The following SEL1L2 variants were observed in gnomAD, a reference collection of about 807,000 sequenced individuals.
SEL1L2 encodes the protein SEL1L2 adaptor subunit of SYVN1 ubiquitin ligase.
In SEL1L2, 89 loss-of-function variants were observed where a neutral mutation model predicts 98.8. The observed-to-expected ratio is 0.90, with a 90% CI of 0.76 to 1.07. The LOEUF (loss-of-function observed/expected upper bound fraction) is 1.07. Ranked by LOEUF, SEL1L2 falls within the 50% of genes least tolerant of loss-of-function variation. The pLI, the probability that SEL1L2 is intolerant of heterozygous loss-of-function variation, is 0.00. For missense variants in SEL1L2, 788 were observed against 812.0 expected (o/e 0.97, Z 0.36); for synonymous variants, 262 against 278.5 (o/e 0.94, Z 0.59).
intron 5 of SEL1L2, among the ~76,000 whole-genome samples, chr20:13,892,042 G>A (rs1400650280): frequency 6.6e-6 from 1 of 152,158 alleles, no homozygotes. Flanking sequence ...AGTATATAAA[G>A]TAGTAAAAAG....
intron 1 of SEL1L2, 25 bp downstream of exon 1, chr20:13,990,448 TAGAG>T: frequency 6.7e-7 from 1 of 1,502,510 alleles, no homozygotes; most frequent in East Asian, 2.3e-5. Flanking sequence ...GAGACCCTCA[TAGAG>T]AACTCTAAGG....
At chr20:13,911,196 A>G (rs1441777045) in intron 5 of SEL1L2, among the ~76,000 whole-genome samples, 1 of 152,220 alleles carries the variant, frequency 6.6e-6, no homozygotes, top group African/African-American at 2.4e-5. Flanking sequence ...ATTGTGCTGC[A>G]GTTATTTGCA....
intron 12 of SEL1L2, among the ~76,000 whole-genome samples, chr20:13,871,381 A>T (rs1394842389): frequency 6.6e-6 from 1 of 152,222 alleles, no homozygotes; most frequent in Non-Finnish European, 1.5e-5. Flanking sequence ...GATATTTAGC[A>T]TATCAATTTT....
chr20:13,946,234 A>G (rs1444588302), intron 2 of SEL1L2, among the ~76,000 whole-genome samples: 2 of 152,198 alleles, frequency 1.3e-5, no homozygotes, highest in African/African-American at 4.8e-5. Flanking sequence ...TCTCATATGT[A>G]GAAATCCCTA....
chr20:13,983,575 C>G (rs2051985584), intron 1 of SEL1L2, among the ~76,000 whole-genome samples: 2 of 151,860 alleles, frequency 1.3e-5, no homozygotes, highest in African/African-American at 4.8e-5. Context: ...GGCTGGAGTG[C>G]AATGGCACGA....
chr20:13,979,099 A>G (rs2051688192), intron 1 of SEL1L2, among the ~76,000 whole-genome samples: 1 of 152,128 alleles, frequency 6.6e-6, no homozygotes, highest in South Asian at 2.1e-4. Context: ...TGTAATCGTC[A>G]TTTTTGCAAC....
intron 5 of SEL1L2, among the ~76,000 whole-genome samples, chr20:13,905,758 G>A (rs915986100): frequency 6.6e-6 from 1 of 151,800 alleles, no homozygotes; most frequent in African/African-American, 2.4e-5. Flanking sequence ...AAAGAAAAAT[G>A]TTGTGAATTG....
chr20:13,954,573 A>G (rs1723524244), intron 2 of SEL1L2, among the ~76,000 whole-genome samples: 2 of 152,156 alleles, frequency 1.3e-5, no homozygotes, highest in Admixed American at 1.3e-4. Context: ...ACTTTCTAAT[A>G]TTCTGAAATA....
intron 18 of SEL1L2, among the ~76,000 whole-genome samples, chr20:13,857,819 A>G (rs953637626): frequency 3.3e-5 from 5 of 152,222 alleles, no homozygotes; most frequent in African/African-American, 1.2e-4. Flanking sequence ...CAGTCATTCT[A>G]CATACTGTTT....
At chr20:13,937,649 C>T (rs1250814304) in intron 2 of SEL1L2, among the ~76,000 whole-genome samples, 1 of 152,164 alleles carries the variant, frequency 6.6e-6, no homozygotes, top group Non-Finnish European at 1.5e-5. Context: ...AACAGTAGCT[C>T]ACTGTTCTGC....
intron 1 of SEL1L2, among the ~76,000 whole-genome samples, chr20:13,966,376 C>T (rs1367952926): frequency 6.6e-6 from 1 of 151,608 alleles, no homozygotes; most frequent in Non-Finnish European, 1.5e-5. Context: ...TGGAGTGCAA[C>T]GGCACAATCT....
Position 13,939,040 on chromosome 20 carries a change from G to GGTTTTTTTTTTTTTTTTTTTTTTTT in SEL1L2, c.115-7270_115-7269insAAAAAAAAAAAAAAAAAAAAAAAAC. ...TCTTTTTGGTTTGTTTGCTTGTTTTGTTTTTTTTTTTTTTTTTTTCTGAGA... is the reference window on the plus strand; with the variant it reads ...TCTTTTTGGTTTGTTTGCTTGTTTTGGTTTTTTTTTTTTTTTTTTTTTTTTTTTTTTTTTTTTTTTTTTTCTGAGA... On this transcript the variant is annotated intron_variant, in intron 2 of 19. Transcript: ENST00000284951. Among the ~76,000 whole-genome samples the GGTTTTTTTTTTTTTTTTTTTTTTTT allele has an allele frequency of 2.3e-3, 264 of 114,072 alleles. 47 individuals carry two copies. Among genetic ancestry groups the GGTTTTTTTTTTTTTTTTTTTTTTTT allele is most frequent in the Non-Finnish European group, 2.7e-3 (155 of 57,528 alleles). 74.8% of individuals were successfully genotyped at this position (114,072 alleles called of 152,430 possible).
intron 18 of SEL1L2, 71 bp downstream of exon 18, chr20:13,859,191 A>C (rs1292862464): frequency 6.9e-7 from 1 of 1,439,988 alleles, no homozygotes; most frequent in Non-Finnish European, 9.7e-7. Context: ...AATGAAATTC[A>C]AAACATTTAC....
intron 1 of SEL1L2, among the ~76,000 whole-genome samples, chr20:13,958,114 A>G (rs975641787): frequency 1.3e-5 from 2 of 152,196 alleles, no homozygotes; most frequent in African/African-American, 4.8e-5. Flanking sequence ...CTCATGGTCT[A>G]CCATCTGGCT....
intron 1 of SEL1L2, among the ~76,000 whole-genome samples, chr20:13,964,354 G>GAACCC (rs2050928525): frequency 6.6e-6 from 1 of 151,354 alleles, no homozygotes; most frequent in Non-Finnish European, 1.5e-5. Context: ...CCAGCCCAAG[G>GAACCC]ACCCCACCCC....
upstream of SEL1L2, among the ~76,000 whole-genome samples, chr20:13,993,004 G>A (rs2052570897): frequency 6.6e-6 from 1 of 152,094 alleles, no homozygotes; most frequent in Non-Finnish European, 1.5e-5. Context: ...AATTTTGGGT[G>A]CACGTAAGTC....
At chr20:13,861,164 CT>C (rs943791843) in intron 17 of SEL1L2, among the ~76,000 whole-genome samples, 4 of 151,616 alleles carry the variant, frequency 2.6e-5, no homozygotes, top group Admixed American at 2.6e-4. Flanking sequence ...CCAGGATGAT[CT>C]TTTTTTTTAT....
chr20:13,869,523 T>G lies in SEL1L2; in HGVS notation c.1235A>C (p.Gln412Pro), dbSNP rs186751353. The change falls in exon 14 of 20, where the codon CAG (glutamine) becomes CCG (proline). Residue 412 changes from glutamine to proline, a missense_variant. Gln to Pro is a moderately conservative substitution (Grantham distance 76). Coordinates refer to ENST00000284951, the MANE Select transcript of SEL1L2 (RefSeq NM_025229.2). ...CTTACAGTAGTACATGAAGCCTAAC[T>G]GGAACTGTGCGTCGGGCCACCCTTT... Reference protein sequence around the residue: ...AEKGWPDAQFQLGFMYYSGSG... With the variant: ...AEKGWPDAQFPLGFMYYSGSG... The G allele has an allele frequency of 9.2e-4, 1,477 of 1,614,052 alleles. 11 individuals carry two copies. The African/African-American group carries it at 0.017, about 18-fold the overall frequency.
intron 2 of SEL1L2, among the ~76,000 whole-genome samples, chr20:13,937,183 A>G (rs1205024576): frequency 6.6e-6 from 1 of 152,244 alleles, no homozygotes; most frequent in African/African-American, 2.4e-5. Context: ...ACTCCTCAGT[A>G]TCACTGTGAC....
Sources: allele counts gnomAD v4.1 joint callset (sites outside exome capture counted in the v4.1 genomes callset), GRCh38; gene constraint gnomAD v4.1.1; transcripts MANE v1.5; gene names NCBI Gene and HGNC (gene_info 2026-07-23, HGNC 2026-07-21).